The following PCDH9 variants were observed in gnomAD, a reference collection of about 807,000 sequenced individuals.
The protein encoded by PCDH9 is protocadherin-9.
PCDH9 carries 24 observed loss-of-function variants against 70.6 expected under a neutral mutation model. The observed-to-expected ratio is 0.34, with a 90% CI of 0.25 to 0.48. PCDH9 has a LOEUF of 0.48. Among genes scored for constraint, PCDH9 ranks in the 20% least tolerant of loss-of-function variants. The pLI, the probability that PCDH9 is intolerant of heterozygous loss-of-function variation, is 0.99. For missense variants in PCDH9, 1,281 were observed against 1,503.6 expected (o/e 0.85, Z 2.45); for synonymous variants, 562 against 558.5 (o/e 1.01, Z -0.09).
chr13:66,471,534 T>C (rs1958619496), intron 4 of PCDH9, among the ~76,000 whole-genome samples: 1 of 152,234 alleles, frequency 6.6e-6, no homozygotes, highest in East Asian at 1.9e-4. Flanking sequence ...CATATTTTTA[T>C]TTTAACATTA....
chr13:66,473,344 A>T (rs760933372), intron 4 of PCDH9, among the ~76,000 whole-genome samples: 1 of 152,012 alleles, frequency 6.6e-6, no homozygotes, highest in Non-Finnish European at 1.5e-5. Flanking sequence ...TATTTCTAAT[A>T]CAAATACGAA....
chr13:66,798,735 C>T (rs1222019649), intron 3 of PCDH9, among the ~76,000 whole-genome samples: 1 of 152,084 alleles, frequency 6.6e-6, no homozygotes, highest in Non-Finnish European at 1.5e-5. Context: ...ATTTGAAATG[C>T]CTGGTATAGC....
At chr13:66,475,797 G>T (rs144569811) in intron 4 of PCDH9, among the ~76,000 whole-genome samples, 2 of 152,130 alleles carry the variant, frequency 1.3e-5, no homozygotes, top group African/African-American at 4.8e-5. Context: ...TAAAAAAACT[G>T]CAAACAATTG....
chr13:66,676,989 G>C (rs1205665095), intron 3 of PCDH9, among the ~76,000 whole-genome samples: 20 of 151,764 alleles, frequency 1.3e-4, no homozygotes. Context: ...ATTCAAAGTC[G>C]GTATGCGGAT....
At chr13:66,457,666 T>A (rs1489620740) in intron 4 of PCDH9, among the ~76,000 whole-genome samples, 1 of 152,050 alleles carries the variant, frequency 6.6e-6, no homozygotes, top group African/African-American at 2.4e-5. Flanking sequence ...TTAGTATTTT[T>A]AAAAGATCCC....
chr13:66,521,545 C>T (rs1219130591), intron 4 of PCDH9, among the ~76,000 whole-genome samples: 1 of 152,070 alleles, frequency 6.6e-6, no homozygotes, highest in Non-Finnish European at 1.5e-5. Flanking sequence ...AGTAGGAGCA[C>T]AGATACTGTT....
chr13:66,428,080 A>C (rs1957705659), intron 4 of PCDH9, among the ~76,000 whole-genome samples: 1 of 151,742 alleles, frequency 6.6e-6, no homozygotes, highest in South Asian at 2.1e-4. Flanking sequence ...TGTAAGTAGT[A>C]GCATTTTGGG....
chr13:66,326,744 A>T (rs187109554), intron 4 of PCDH9, among the ~76,000 whole-genome samples: 1 of 152,302 alleles, frequency 6.6e-6, no homozygotes, highest in East Asian at 1.9e-4. Context: ...CATGATAATT[A>T]TATTCCTGTG....
intron 4 of PCDH9, among the ~76,000 whole-genome samples, chr13:66,537,385 G>GAT (rs1960751765): frequency 6.6e-6 from 1 of 151,848 alleles, no homozygotes; most frequent in Non-Finnish European, 1.5e-5. Context: ...TACATATTTT[G>GAT]ATATATATAA....
chr13:66,515,396 T>A (rs1959683207), intron 4 of PCDH9, among the ~76,000 whole-genome samples: 1 of 152,062 alleles, frequency 6.6e-6, no homozygotes, highest in South Asian at 2.1e-4. Flanking sequence ...TTCATTATTA[T>A]AATATTCTTA....
At chr13:66,411,336 G>C (rs1162091835) in intron 4 of PCDH9, among the ~76,000 whole-genome samples, 2 of 152,166 alleles carry the variant, frequency 1.3e-5, no homozygotes, top group East Asian at 3.8e-4. Flanking sequence ...GTCCAGGCTG[G>C]AGTGCAGTAA....
At chr13:66,861,631 ATCAG>A (rs2081486537) in intron 3 of PCDH9, among the ~76,000 whole-genome samples, 1 of 152,162 alleles carries the variant, frequency 6.6e-6, no homozygotes, top group Non-Finnish European at 1.5e-5. Context: ...TGTCCACTTA[ATCAG>A]TCAAAGGCTA....
At chr13:66,566,806 TA>T (rs1034140831) in intron 4 of PCDH9, among the ~76,000 whole-genome samples, 6 of 152,224 alleles carry the variant, frequency 3.9e-5, no homozygotes, top group Admixed American at 1.3e-4. Flanking sequence ...CAGCATCTTA[TA>T]AAAAAATCAT....
intron 3 of PCDH9, among the ~76,000 whole-genome samples, chr13:66,864,920 T>TC (rs1424868179): frequency 6.6e-6 from 1 of 152,210 alleles, no homozygotes; most frequent in African/African-American, 2.4e-5. Context: ...ATGTTCTCAA[T>TC]CACTTTGCCG....
At chr13:66,730,877 T>TTTTTG (rs1555262853) in intron 3 of PCDH9, among the ~76,000 whole-genome samples, 1 of 14,144 alleles carries the variant, frequency 7.1e-5, no homozygotes, top group Non-Finnish European at 9.0e-4. Flanking sequence ...TGTGTGTGTG[T>TTTTTG]TTTTTTTTTG....
chr13:66,504,291 T>G (rs80151786), intron 4 of PCDH9, among the ~76,000 whole-genome samples: 2 of 152,360 alleles, frequency 1.3e-5, no homozygotes, highest in East Asian at 3.9e-4. Flanking sequence ...TAATAATTAT[T>G]GTAATCATTG....
At chr13:66,418,352 C>T (rs1957499013) in intron 4 of PCDH9, among the ~76,000 whole-genome samples, 1 of 152,094 alleles carries the variant, frequency 6.6e-6, no homozygotes, top group Non-Finnish European at 1.5e-5. Flanking sequence ...TGTTCTGTTC[C>T]ATTGGTCTAC....
intron 3 of PCDH9, among the ~76,000 whole-genome samples, chr13:66,693,329 G>C (rs1202150141): frequency 1.3e-5 from 2 of 152,106 alleles, no homozygotes; most frequent in East Asian, 3.9e-4. Flanking sequence ...TTTATGATCT[G>C]TTCCAGTAAG....
At chr13:67,112,022 C>T (rs1462194433) in intron 2 of PCDH9, among the ~76,000 whole-genome samples, 3 of 152,184 alleles carry the variant, frequency 2.0e-5, no homozygotes, top group Non-Finnish European at 4.4e-5. Flanking sequence ...GATTTATACA[C>T]ATTTTTAACA....
Sources: gnomAD v4.1 joint callset for allele counts (sites outside exome capture counted in the v4.1 genomes callset) on GRCh38, gnomAD v4.1.1 for gene constraint, MANE v1.5 for transcripts, NCBI Gene and HGNC (gene_info 2026-07-23, HGNC 2026-07-21) for gene names.